The following PAQR8 variants were observed in gnomAD, a reference collection of about 807,000 sequenced individuals.
PAQR8 encodes progestin and adipoQ receptor family member 8.
A neutral mutation model predicts 25.2 loss-of-function variants in PAQR8; 17 were observed. That is an observed-to-expected ratio of 0.67 (90% CI 0.46 to 1.01). The LOEUF is 1.01. Among genes scored for constraint, PAQR8 ranks in the 50% least tolerant of loss-of-function variants. PAQR8 has a pLI of 0.00. For missense variants in PAQR8, 392 were observed against 448.4 expected, an observed-to-expected ratio of 0.87 and a Z score of 1.14; for synonymous variants, 204 against 190.6, an observed-to-expected ratio of 1.07 and a Z score of -0.58.
intron 1 of PAQR8, among the ~76,000 whole-genome samples, chr6:52,397,717 G>A (rs1159762238): frequency 6.6e-6 from 1 of 152,198 alleles, no homozygotes. Context: ...CTGTCCAGGA[G>A]CTGGAGTGAA....
chr6:52,392,186 CA>C (rs909198557), intron 1 of PAQR8, among the ~76,000 whole-genome samples: 1 of 151,402 alleles, frequency 6.6e-6, no homozygotes, highest in African/African-American at 2.4e-5. Flanking sequence ...TACTAAAATG[CA>C]AAAAAAACTA....
intron 1 of PAQR8, among the ~76,000 whole-genome samples, chr6:52,370,610 T>A (rs956409070): frequency 6.6e-6 from 1 of 152,082 alleles, no homozygotes; most frequent in African/African-American, 2.4e-5. Flanking sequence ...GCTCTTACAG[T>A]TTGAGTGTAA....
intron 1 of PAQR8, among the ~76,000 whole-genome samples, chr6:52,369,743 G>T (rs1763395754): frequency 6.6e-6 from 1 of 152,142 alleles, no homozygotes; most frequent in Non-Finnish European, 1.5e-5. Context: ...GAGTTTAATG[G>T]CTCTCAAATT....
intron 1 of PAQR8, among the ~76,000 whole-genome samples, chr6:52,372,277 T>C (rs1344784874): frequency 1.3e-5 from 2 of 152,342 alleles, no homozygotes; most frequent in Admixed American, 6.5e-5. Flanking sequence ...TGATTCTGTA[T>C]ATCTGTAAAA....
In PAQR8 at chr6:52,403,301, C is replaced by T. The variant is rs200919654; in HGVS notation, c.88C>T (p.Leu30Phe). 3.1e-6 allele frequency: 5 copies of T among 1,614,000 alleles called. No individual in the cohort carries two copies. In the South Asian group the frequency reaches 3.3e-5, roughly 11 times the overall value. ...CCTGCCCAAGATCCTGGAGGATGGG[C>T]TTCCCAAGATGCCTTGCACTGTCCC... The part of the protein sequence containing the change: ...RRLPKILEDG[L>F]PKMPCTVPET... The change falls in exon 2 of 2, where the codon CTT (leucine) becomes TTT (phenylalanine). Residue 30 changes from leucine to phenylalanine, a missense_variant. Transcript: ENST00000442253.
At chr6:52,366,358 T>C (rs1374065242) in intron 1 of PAQR8, among the ~76,000 whole-genome samples, 1 of 152,178 alleles carries the variant, frequency 6.6e-6, no homozygotes, top group East Asian at 1.9e-4. Flanking sequence ...CAGAAGTTCA[T>C]TCACATCATG....
intron 1 of PAQR8, chr6:52,373,582 A>C (rs1763446639): frequency 6.6e-6 from 1 of 152,208 alleles, no homozygotes; most frequent in Non-Finnish European, 1.5e-5. Context: ...TTTTACTGCC[A>C]GAAATGTTCT....
intron 1 of PAQR8, among the ~76,000 whole-genome samples, chr6:52,382,557 G>A (rs185156287): frequency 5.4e-4 from 82 of 152,140 alleles, no homozygotes; most frequent in East Asian, 3.5e-3. Flanking sequence ...AAACACAAAC[G>A]TAGATTAAAT....
intron 1 of PAQR8, among the ~76,000 whole-genome samples, chr6:52,391,247 G>A (rs983267261): frequency 3.9e-5 from 6 of 152,298 alleles, no homozygotes; most frequent in Admixed American, 2.6e-4. Flanking sequence ...TTTTCTAAGT[G>A]CAGTGGAGAC....
chr6:52,368,867 G>A (rs9367482), intron 1 of PAQR8, among the ~76,000 whole-genome samples: 9,746 of 152,112 alleles, frequency 0.064, 429 homozygotes, highest in South Asian at 0.12. Context: ...GCGGGACCAG[G>A]TGGAAATAAT....
At chr6:52,391,741 G>A (rs1475006305) in intron 1 of PAQR8, among the ~76,000 whole-genome samples, 1 of 152,188 alleles carries the variant, frequency 6.6e-6, no homozygotes, top group Non-Finnish European at 1.5e-5. Context: ...CTATTCCTTT[G>A]CAGCCATTTA....
intron 1 of PAQR8, among the ~76,000 whole-genome samples, chr6:52,379,690 G>T (rs1448804311): frequency 6.9e-6 from 1 of 144,836 alleles, no homozygotes; most frequent in Non-Finnish European, 1.5e-5. Flanking sequence ...GCAGTGCTGC[G>T]ATCTCGGCTC....
In PAQR8 at chr6:52,406,271, T is replaced by C. The variant is rs920263667; in HGVS notation, c.*1993T>C. 1 of 401,224 alleles carries C rather than the reference T, an allele frequency of 2.5e-6. No homozygotes were observed. Among genetic ancestry groups the C allele is most frequent in the Admixed American group, 4.5e-5 (1 of 22,328 alleles). 24.9% of individuals were successfully genotyped at this position (401,224 alleles called of 1,614,324 possible). On this transcript the variant is annotated 3_prime_UTR_variant, in exon 2 of 2. Coordinates refer to ENST00000442253, the MANE Select transcript of PAQR8 (RefSeq NM_133367.5). ...TCTTTATTACGGATTCAAAGACTTA[T>C]TTTGAAAGTTGGAAGGAGAAGGGAG...
chr6:52,366,828 C>T (rs1763359022), intron 1 of PAQR8, among the ~76,000 whole-genome samples: 1 of 152,078 alleles, frequency 6.6e-6, no homozygotes. Context: ...CGGCTCACTG[C>T]AACCTCCATC....
In PAQR8 at chr6:52,362,410, G is replaced by C. The variant is rs929511927; in HGVS notation, c.-53+161G>C. ...CAGAGGGGAGGTCCAGAGTCGCAGC[G>C]TTGGGAACCTGAGGCCAGGGGCCGG... is the stretch of plus-strand genomic sequence containing the variant. On this transcript the variant is annotated intron_variant, in intron 1 of 1. Transcript: ENST00000442253. This position sits in a 1 kb window ranked among gnomAD's most constrained non-coding sequence, Gnocchi z 4.1. 1 of 152,390 alleles carries C rather than the reference G, an allele frequency of 6.6e-6. No homozygotes were observed. The highest frequency in any genetic ancestry group is 1.9e-4 in the East Asian group (1 of 5,188). 9.4% of individuals were successfully genotyped at this position (152,390 alleles called of 1,614,324 possible). A position where few individuals can be genotyped will look rare whatever the true frequency, so the allele number is the denominator to read the frequency against.
chr6:52,406,922 A>C lies in PAQR8; in HGVS notation c.*2644A>C, dbSNP rs1763917683. 1 of 200,938 alleles carries C rather than the reference A, an allele frequency of 5.0e-6. No individual in the cohort carries two copies. The highest frequency in any genetic ancestry group is 1.9e-4 in the South Asian group (1 of 5,148). 12.4% of individuals were successfully genotyped at this position (200,938 alleles called of 1,614,324 possible). On this transcript the variant is annotated 3_prime_UTR_variant, in exon 2 of 2. Coordinates refer to ENST00000442253, the MANE Select transcript of PAQR8 (RefSeq NM_133367.5). Reference sequence around the variant, plus strand: ...GCATTGAGGTAGGAGACTCTATGACATGCCCTCAGAATATCAGAATCTTCT... The same window carrying C: ...GCATTGAGGTAGGAGACTCTATGACCTGCCCTCAGAATATCAGAATCTTCT...
chr6:52,380,912 G>A (rs1763551432), intron 1 of PAQR8, among the ~76,000 whole-genome samples: 1 of 151,892 alleles, frequency 6.6e-6, no homozygotes, highest in Non-Finnish European at 1.5e-5. Flanking sequence ...CAAACTGAAA[G>A]AGGTTTGCAT....
At chr6:52,379,695 C>T (rs1466466042) in intron 1 of PAQR8, among the ~76,000 whole-genome samples, 2 of 143,170 alleles carry the variant, frequency 1.4e-5, no homozygotes, top group Non-Finnish European at 3.0e-5. Flanking sequence ...GCTGCGATCT[C>T]GGCTCACTGC....
At chr6:52,398,672 G>A (rs1338475407) in intron 1 of PAQR8, among the ~76,000 whole-genome samples, 1 of 152,162 alleles carries the variant, frequency 6.6e-6, no homozygotes, top group African/African-American at 2.4e-5. Context: ...TCCTGCCTCA[G>A]CCTCCCTAGT....
Sources: gnomAD v4.1 joint callset for allele counts (sites outside exome capture counted in the v4.1 genomes callset) on GRCh38, gnomAD v4.1.1 for gene constraint, Gnocchi (gnomAD v3.1) non-coding constraint, MANE v1.5 for transcripts, NCBI Gene and HGNC (gene_info 2026-07-23, HGNC 2026-07-21) for gene names.